Variants in SLC24A4 observed in about 807,000 individuals in gnomAD.
SLC24A4 encodes sodium/potassium/calcium exchanger 4.
A neutral mutation model predicts 79.0 loss-of-function variants in SLC24A4; 53 were observed. The ratio of observed to expected loss-of-function variants is 0.67; its 90% CI spans 0.54 to 0.84. The LOEUF is 0.84. Among genes scored for constraint, SLC24A4 ranks in the 40% least tolerant of loss-of-function variants. SLC24A4 has a pLI of 0.00. For missense variants in SLC24A4, 731 were observed against 822.0 expected, an observed-to-expected ratio of 0.89 and a Z score of 1.35; for synonymous variants, 323 against 323.8, an observed-to-expected ratio of 1.00 and a Z score of 0.03.
intron 12 of SLC24A4, among the ~76,000 whole-genome samples, chr14:92,480,531 G>A (rs1234254100): frequency 6.6e-6 from 1 of 150,868 alleles, no homozygotes; most frequent in Non-Finnish European, 1.5e-5. Context: ...CTGACCTCAT[G>A]ATCCACCCGC....
At chr14:92,428,112 T>A (rs1213755182) in intron 2 of SLC24A4, among the ~76,000 whole-genome samples, 1 of 152,212 alleles carries the variant, frequency 6.6e-6, no homozygotes, top group Non-Finnish European at 1.5e-5. Flanking sequence ...TATAGCAGCC[T>A]GAATGAACTG....
chr14:92,413,818 T>C (rs1292847377), intron 2 of SLC24A4, among the ~76,000 whole-genome samples: 2 of 152,214 alleles, frequency 1.3e-5, no homozygotes, highest in African/African-American at 2.4e-5. Context: ...AGGGATTTGC[T>C]GTCATCCTGT....
intron 12 of SLC24A4, among the ~76,000 whole-genome samples, chr14:92,482,179 A>G (rs141075323): frequency 2.0e-4 from 30 of 152,388 alleles, no homozygotes; most frequent in Admixed American, 3.9e-4. Context: ...CTCATTTAAC[A>G]GATGAGGAAA....
At chr14:92,469,507 C>CAA (rs34883693) in intron 12 of SLC24A4, among the ~76,000 whole-genome samples, 95 of 145,526 alleles carry the variant, frequency 6.5e-4, no homozygotes, top group South Asian at 4.6e-3. Flanking sequence ...GACTCCATCT[C>CAA]AAAAAAAAAA....
At chr14:92,450,931 C>A (rs1368822445) in intron 10 of SLC24A4, 1 of 151,978 alleles carries the variant, frequency 6.6e-6, no homozygotes, top group Non-Finnish European at 1.5e-5. Context: ...GAGGCCCCCG[C>A]CTACACAGTG....
chr14:92,414,182 C>A (rs1890862493), intron 2 of SLC24A4, among the ~76,000 whole-genome samples: 1 of 152,070 alleles, frequency 6.6e-6, no homozygotes, highest in Non-Finnish European at 1.5e-5. Flanking sequence ...CTGGATAATT[C>A]TTTGTTGTAG....
intron 12 of SLC24A4, among the ~76,000 whole-genome samples, chr14:92,460,630 C>T (rs960711098): frequency 6.6e-6 from 1 of 152,182 alleles, no homozygotes; most frequent in Non-Finnish European, 1.5e-5. Context: ...GGCCCAGGCT[C>T]TGTTCTGGGC....
chr14:92,381,000 G>T (rs115941186), intron 2 of SLC24A4, among the ~76,000 whole-genome samples: 2,173 of 152,214 alleles, frequency 0.014, 51 homozygotes, highest in African/African-American at 0.049. Context: ...GTGAGAGGTG[G>T]GATAGCAGAG....
intron 2 of SLC24A4, among the ~76,000 whole-genome samples, chr14:92,344,854 T>A (rs975745537): frequency 2.6e-5 from 4 of 152,202 alleles, no homozygotes; most frequent in African/African-American, 9.6e-5. Context: ...GGAGCCAGTG[T>A]GCTCCATCTA....
chr14:92,468,078 C>G (rs7154288), intron 12 of SLC24A4, among the ~76,000 whole-genome samples: 118,291 of 152,070 alleles, frequency 0.78, 46,926 homozygotes, highest in Non-Finnish European at 0.86. Flanking sequence ...AAACATGCAG[C>G]ATACAAGATC....
chr14:92,442,167 G>C lies in SLC24A4; in HGVS notation c.472G>C (p.Val158Leu). Residue 158 changes from valine to leucine, a missense_variant, in exon 5 of 17, where the codon GTT (valine) becomes CTT (leucine). Coordinates refer to ENST00000532405, the MANE Select transcript of SLC24A4 (RefSeq NM_153646.4). ...GSSTPELFAS[V>L]IGVFITHGDV... Reference sequence around the variant, plus strand: ...CTCAACGCCAGAGCTGTTTGCGTCTGTTATTGGTAAGAAATCCCCTCCAGC... The same window carrying C: ...CTCAACGCCAGAGCTGTTTGCGTCTCTTATTGGTAAGAAATCCCCTCCAGC... 2 of 1,613,482 alleles carry C rather than the reference G, an allele frequency of 1.2e-6. No homozygotes were observed. The highest frequency in any genetic ancestry group is 1.7e-6 in the Non-Finnish European group (2 of 1,179,734).
At position 92,497,239 on chromosome 14, in the gene SLC24A4, C is replaced by T. The variant is rs1360608467; in HGVS notation, c.*3611C>T. 6.6e-6 allele frequency: 1 copy of T among 152,318 alleles called. No individual in the cohort carries two copies. The highest frequency in any genetic ancestry group is 2.4e-5 in the African/African-American group (1 of 41,456). The allele number at this position is 152,318 out of a possible 1,614,324, so 9.4% of individuals were successfully genotyped here. The stretch of plus-strand genomic sequence containing the variant: ...GCTTCCCTGACCAGGTGGGGTGTGT[C>T]TATCACCCAAGGGCAGTCCTACAGA... On this transcript the variant is annotated 3_prime_UTR_variant, in exon 17 of 17. Coordinates refer to ENST00000532405, the MANE Select transcript of SLC24A4 (RefSeq NM_153646.4).
chr14:92,414,402 C>T (rs372558544), intron 2 of SLC24A4, among the ~76,000 whole-genome samples: 2 of 152,174 alleles, frequency 1.3e-5, no homozygotes, highest in Non-Finnish European at 2.9e-5. Context: ...GACTTGTTAA[C>T]TTTATTTGAC....
At position 92,449,781 on chromosome 14, in the gene SLC24A4, C is replaced by T. The variant is rs113932519; in HGVS notation, c.880+565C>T. 9.2e-3 allele frequency among the ~76,000 whole-genome samples: 1,397 copies of T among 152,340 alleles called. 12 individuals carry two copies. The highest frequency in any genetic ancestry group is 0.015 in the Non-Finnish European group (1,054 of 68,024). On this transcript the variant is annotated intron_variant, in intron 10 of 16. Transcript: ENST00000532405. ...CCAGGCCAGCCTCAGACAGCCCCGC[C>T]GGGGAGCCCCTTCCCCTGGGGCAGC...
At chr14:92,382,666 A>T (rs137984308) in intron 2 of SLC24A4, among the ~76,000 whole-genome samples, 3 of 152,330 alleles carry the variant, frequency 2.0e-5, no homozygotes, top group African/African-American at 7.2e-5. Context: ...ACTGGAACCT[A>T]TGTCCAAGCT....
Position 92,323,665 on chromosome 14 carries a change from G to A in SLC24A4, c.-166G>A, listed in dbSNP as rs1884927124. 1 of 809,708 alleles carries A rather than the reference G, an allele frequency of 1.2e-6. No homozygotes were observed. The highest frequency in any genetic ancestry group is 1.8e-6 in the Non-Finnish European group (1 of 556,568). 50.2% of individuals were successfully genotyped at this position (809,708 alleles called of 1,614,324 possible). On this transcript the variant is annotated 5_prime_UTR_variant, in exon 1 of 17. Coordinates refer to ENST00000532405, the MANE Select transcript of SLC24A4 (RefSeq NM_153646.4). This position sits in a 1 kb window ranked among gnomAD's most constrained non-coding sequence, Gnocchi z 4.9. ...TCGCGCGTCCCCACCTTCCCAAGGG[G>A]CTCCCCCGCCGACCTCGCCCTCGGG...
chr14:92,353,888 G>A lies in SLC24A4; in HGVS notation c.241+27910G>A, dbSNP rs542783393. Among the ~76,000 whole-genome samples, 1 of 152,310 alleles carries A rather than the reference G, an allele frequency of 6.6e-6. No homozygotes were observed. Among genetic ancestry groups the A allele is most frequent in the South Asian group, 2.1e-4 (1 of 4,832 alleles). On this transcript the variant is annotated intron_variant, in intron 2 of 16. Coordinates refer to ENST00000532405, the MANE Select transcript of SLC24A4 (RefSeq NM_153646.4). This position sits in a 1 kb window ranked among gnomAD's most constrained non-coding sequence, Gnocchi z 4.1. ...CTCCCCTGTCCCAGCTGCCTGTGCC[G>A]CCATCCCAAGTGAGCTTCCCACACG...
intron 12 of SLC24A4, among the ~76,000 whole-genome samples, chr14:92,469,789 A>G (rs1475413192): frequency 2.0e-5 from 3 of 152,232 alleles, no homozygotes; most frequent in African/African-American, 4.8e-5. Flanking sequence ...TAGGAAATAT[A>G]TGCTCAGTGA....
chr14:92,474,777 A>C (rs1005578118), intron 12 of SLC24A4, among the ~76,000 whole-genome samples: 1 of 101,180 alleles, frequency 9.9e-6, no homozygotes, highest in African/African-American at 3.4e-5. Context: ...ATATGTGTGT[A>C]TATATATGTG....
Sources: gnomAD v4.1 joint callset for allele counts (sites outside exome capture counted in the v4.1 genomes callset) on GRCh38, gnomAD v4.1.1 for gene constraint, Gnocchi (gnomAD v3.1) non-coding constraint, MANE v1.5 for transcripts, NCBI Gene and HGNC (gene_info 2026-07-23, HGNC 2026-07-21) for gene names.